The following TENT2 variants were observed in gnomAD, a reference collection of about 807,000 sequenced individuals.
The protein encoded by TENT2 is terminal nucleotidyltransferase 2.
Under a neutral mutation model 72.2 loss-of-function variants are expected in TENT2, and 44 were observed. The observed-to-expected ratio is 0.61, with a 90% CI of 0.48 to 0.78. The LOEUF is 0.78. Among genes scored for constraint, TENT2 ranks in the 30% least tolerant of loss-of-function variants. TENT2 has a pLI of 0.00. For missense variants in TENT2, 541 were observed against 569.6 expected (o/e 0.95, Z 0.51); for synonymous variants, 212 against 192.5 (o/e 1.10, Z -0.84).
At chr5:79,660,585 CTTAAA>C (rs1802035720) in intron 11 of TENT2, among the ~76,000 whole-genome samples, 1 of 151,936 alleles carries the variant, frequency 6.6e-6, no homozygotes, top group Admixed American at 6.6e-5. Context: ...TAAAAAACAC[CTTAAA>C]TTATACATAT....
chr5:79,676,055 A>C (rs1289366098), intron 12 of TENT2, among the ~76,000 whole-genome samples: 2 of 151,984 alleles, frequency 1.3e-5, no homozygotes, highest in African/African-American at 2.4e-5. Flanking sequence ...TTCTTAACCA[A>C]GTTTTCTTTC....
intron 14 of TENT2, among the ~76,000 whole-genome samples, chr5:79,683,485 G>T (rs929604271): frequency 1.3e-5 from 2 of 152,124 alleles, no homozygotes; most frequent in African/African-American, 4.8e-5. Flanking sequence ...ACTCCAGCCT[G>T]AGCATGAGTA....
At chr5:79,634,621 G>T (rs1778622002) in intron 4 of TENT2, among the ~76,000 whole-genome samples, 1 of 152,134 alleles carries the variant, frequency 6.6e-6, no homozygotes, top group Non-Finnish European at 1.5e-5. Flanking sequence ...TTTCAGATGT[G>T]AGCCACTGCG....
intron 4 of TENT2, among the ~76,000 whole-genome samples, chr5:79,631,665 T>TTCA: frequency 6.6e-6 from 1 of 152,048 alleles, no homozygotes; most frequent in South Asian, 2.1e-4. Context: ...GAGCAAAAGG[T>TTCA]GTGAAGTTAG....
At chr5:79,625,527 T>G (rs906469059) in intron 4 of TENT2, among the ~76,000 whole-genome samples, 12 of 152,048 alleles carry the variant, frequency 7.9e-5, no homozygotes, top group African/African-American at 2.9e-4. Context: ...TTTATTTATT[T>G]TATTATTATT....
At chr5:79,622,735 C>T (rs1205966984) in intron 3 of TENT2, among the ~76,000 whole-genome samples, 2 of 152,048 alleles carry the variant, frequency 1.3e-5, no homozygotes, top group South Asian at 2.1e-4. Context: ...TAATAAAATA[C>T]TATTATCTGA....
At chr5:79,656,878 C>T in intron 10 of TENT2, 80 bp from the exon 11 acceptor site, 2 of 995,440 alleles carry the variant, frequency 2.0e-6, no homozygotes, top group Non-Finnish European at 3.1e-6. Flanking sequence ...GGTCTTATAC[C>T]TGGGATGTAG....
chr5:79,621,762 A>AC lies in TENT2; in HGVS notation c.228-1490_228-1489insC, dbSNP rs1208492321. On this transcript the variant is annotated intron_variant, in intron 3 of 14. Coordinates refer to ENST00000453514, the MANE Select transcript of TENT2 (RefSeq NM_001114394.3). ...AACAGAGCGAGACTCTATCTCAAAAAAAAAAAAAAACAAAAAAAACAAAAC... is the reference window on the plus strand; with the variant it reads ...AACAGAGCGAGACTCTATCTCAAAAACAAAAAAAAAACAAAAAAAACAAAAC... 1.9e-3 allele frequency among the ~76,000 whole-genome samples: 261 copies of AC among 140,924 alleles called. 1 individual carries two copies. The highest frequency in any genetic ancestry group is 7.6e-3 in the African/African-American group (255 of 33,414). The allele number at this position is 140,924 out of a possible 152,430, so 92.5% of individuals were successfully genotyped here. A position where few individuals can be genotyped will look rare whatever the true frequency, so the allele number is the denominator to read the frequency against.
chr5:79,623,484 G>T lies in TENT2; in HGVS notation c.460G>T (p.Asp154Tyr). ...PREITLPEAKDKLSQQILELF... is the reference protein window; with the variant it reads ...PREITLPEAKYKLSQQILELF... Reference sequence around the variant, plus strand: ...AGAAATCACACTGCCTGAGGCCAAAGATAAGGTAATAATAATGTAGATTTT... The same window carrying T: ...AGAAATCACACTGCCTGAGGCCAAATATAAGGTAATAATAATGTAGATTTT... The change falls in exon 4 of 15, where the codon GAT (aspartate) becomes TAT (tyrosine). Residue 154 changes from aspartate (D) to tyrosine (Y), a missense_variant. Transcript: ENST00000453514. 1 of 1,592,444 alleles carries T rather than the reference G, an allele frequency of 6.3e-7. No homozygotes were observed. The highest frequency in any genetic ancestry group is 1.1e-5 in the South Asian group (1 of 89,098).
chr5:79,623,865 T>G (rs1418133011), intron 4 of TENT2, among the ~76,000 whole-genome samples: 1 of 152,086 alleles, frequency 6.6e-6, no homozygotes, highest in Non-Finnish European at 1.5e-5. Flanking sequence ...AACATGAGGT[T>G]TTTTGAATGT....
At chr5:79,684,274 C>T (rs932726482) in intron 14 of TENT2, among the ~76,000 whole-genome samples, 2 of 152,178 alleles carry the variant, frequency 1.3e-5, no homozygotes, top group Non-Finnish European at 2.9e-5. Context: ...AATTTACTCT[C>T]TCCTTCATAA....
At chr5:79,625,467 A>G (rs1455662573) in intron 4 of TENT2, among the ~76,000 whole-genome samples, 1 of 152,042 alleles carries the variant, frequency 6.6e-6, no homozygotes, top group Non-Finnish European at 1.5e-5. Flanking sequence ...TATCTAAGAA[A>G]CCATTGTTAA....
chr5:79,621,451 A>G (rs997390469), intron 3 of TENT2, among the ~76,000 whole-genome samples: 6 of 152,202 alleles, frequency 3.9e-5, no homozygotes, highest in Non-Finnish European at 7.3e-5. Context: ...CAATTTGTGA[A>G]TTAAGAATGA....
chr5:79,676,156 A>G (rs1335954804), intron 12 of TENT2, among the ~76,000 whole-genome samples: 2 of 132,448 alleles, frequency 1.5e-5, no homozygotes, highest in African/African-American at 7.1e-5. Flanking sequence ...ATATACATAT[A>G]TATGTATACA....
intron 14 of TENT2, among the ~76,000 whole-genome samples, chr5:79,683,335 A>ACACC (rs1436198873): frequency 6.6e-6 from 1 of 151,446 alleles, no homozygotes; most frequent in African/African-American, 2.4e-5. Flanking sequence ...ACACACACAC[A>ACACC]CACACACCCC....
Position 79,640,832 on chromosome 5 carries a change from T to C in TENT2, c.466-19T>C. ...CATTGCTGAACAAAACTTTTACTTT[T>C]TTTTGCGGTGGATTCAAGTTGAGTC... On this transcript the variant is annotated intron_variant, in intron 4 of 14. Transcript: ENST00000453514. 1 of 1,549,342 alleles carries C rather than the reference T, an allele frequency of 6.5e-7. No individual in the cohort carries two copies. Among genetic ancestry groups the C allele is most frequent in the Non-Finnish European group, 8.8e-7 (1 of 1,135,330 alleles).
rs761888420 is a variant in TENT2 at position 79,620,043 on chromosome 5, C to T, written c.187C>T (p.Pro63Ser). The part of the protein sequence containing the change: ...LQQLTYGNVS[P>S]IQTSASPLFR... ...GCAGCTGACATATGGAAATGTCAGT[C>T]CAATACAGACCTCAGCTTCCCCATT... Residue 63 changes from proline to serine, a missense_variant, in exon 3 of 15, where the codon CCA becomes TCA. Coordinates refer to ENST00000453514, the MANE Select transcript of TENT2 (RefSeq NM_001114394.3). 12 of 1,611,508 alleles carry T rather than the reference C, an allele frequency of 7.4e-6. No homozygotes were observed. The highest frequency in any genetic ancestry group is 1.0e-5 in the Non-Finnish European group (12 of 1,178,332).
At chr5:79,654,098 G>A (rs1004642050) in intron 10 of TENT2, among the ~76,000 whole-genome samples, 1 of 152,142 alleles carries the variant, frequency 6.6e-6, no homozygotes, top group African/African-American at 2.4e-5. Context: ...CAAAGCATGA[G>A]GGGGAATTGA....
chr5:79,659,554 ATGTAT>A (rs1216760941), intron 11 of TENT2, among the ~76,000 whole-genome samples: 656 of 47,222 alleles, frequency 0.014, 16 homozygotes, highest in Non-Finnish European at 0.017. Context: ...AAAAAAAAAA[ATGTAT>A]ATATATATAT....
Sources: gnomAD v4.1 joint callset for allele counts (sites outside exome capture counted in the v4.1 genomes callset) on GRCh38, gnomAD v4.1.1 for gene constraint, MANE v1.5 for transcripts, NCBI Gene and HGNC (gene_info 2026-07-23, HGNC 2026-07-21) for gene names.